Variants in KIF3B observed in about 807,000 individuals in gnomAD.
The protein encoded by KIF3B is kinesin family member 3B.
Under a neutral mutation model 74.3 loss-of-function variants are expected in KIF3B, and 38 were observed. The observed-to-expected ratio is 0.51, with a 90% CI of 0.39 to 0.67. The LOEUF (loss-of-function observed/expected upper bound fraction) is 0.67. KIF3B is among the 30% of genes least tolerant of loss of function. KIF3B has a pLI of 0.00. For missense variants in KIF3B, 649 were observed against 932.0 expected (o/e 0.70, Z 3.95); for synonymous variants, 326 against 342.5 (o/e 0.95, Z 0.53).
intron 1 of KIF3B, among the ~76,000 whole-genome samples, chr20:32,285,750 T>C (rs1485099979): frequency 2.6e-5 from 4 of 152,300 alleles, no homozygotes; most frequent in East Asian, 1.9e-4. Flanking sequence ...TGGGTGATAT[T>C]TTGTTCTTTC....
At chr20:32,291,586 C>G (rs2047691446) in intron 1 of KIF3B, among the ~76,000 whole-genome samples, 1 of 151,238 alleles carries the variant, frequency 6.6e-6, no homozygotes, top group South Asian at 2.1e-4. Context: ...GTCTCATATC[C>G]AGTGTTCCAA....
intron 1 of KIF3B, among the ~76,000 whole-genome samples, chr20:32,289,635 T>G (rs2047682192): frequency 6.6e-6 from 1 of 152,252 alleles, no homozygotes; most frequent in Non-Finnish European, 1.5e-5. Flanking sequence ...TTACTTTCTA[T>G]TTATAACAAG....
Position 32,309,860 on chromosome 20 carries a change from A to T in KIF3B, c.83A>T (p.Tyr28Phe). 1 of 1,614,186 alleles carries T rather than the reference A, an allele frequency of 6.2e-7. No homozygotes were observed. The highest frequency in any genetic ancestry group is 8.5e-7 in the Non-Finnish European group (1 of 1,180,042). The stretch of plus-strand genomic sequence containing the variant: ...AATGGCAAGGAAAAGGCTGCTTCGT[A>T]TGACAAAGTGGTGGATGTGGATGTT... Reference protein sequence around the residue: ...PMNGKEKAASYDKVVDVDVKL... With the variant: ...PMNGKEKAASFDKVVDVDVKL... Residue 28 changes from tyrosine to phenylalanine, a missense_variant, in exon 2 of 9, where the codon TAT becomes TTT. By Grantham distance (22) the Tyr-to-Phe change is conservative (BLOSUM62 3). Transcript: ENST00000375712.
chr20:32,301,093 T>TTC (rs2122678015), intron 1 of KIF3B, among the ~76,000 whole-genome samples: 1 of 144,494 alleles, frequency 6.9e-6, no homozygotes, highest in East Asian at 2.0e-4. Context: ...GTCTTTTTTT[T>TTC]TTTTTTTTTT....
intron 5 of KIF3B, among the ~76,000 whole-genome samples, chr20:32,322,782 A>ATATATT (rs1555896720): frequency 1.3e-4 from 8 of 60,814 alleles, no homozygotes; most frequent in African/African-American, 8.5e-4. Flanking sequence ...ATATATATTT[A>ATATATT]TATATATTTA....
intron 1 of KIF3B, among the ~76,000 whole-genome samples, chr20:32,281,588 G>T (rs914315322): frequency 6.6e-6 from 1 of 152,114 alleles, no homozygotes. Flanking sequence ...GTGGTGGCAC[G>T]TGCCTGTAGT....
intron 2 of KIF3B, 34 bp downstream of exon 2, chr20:32,311,215 C>T (rs1162316514): frequency 3.3e-6 from 5 of 1,527,364 alleles, no homozygotes; most frequent in South Asian, 1.3e-5. Flanking sequence ...AGGCCCTTGC[C>T]CTGTCACTGC....
chr20:32,316,170 C>A, intron 2 of KIF3B, 48 bp from the exon 3 acceptor site: 2 of 1,106,498 alleles, frequency 1.8e-6, no homozygotes, highest in South Asian at 1.2e-5. Flanking sequence ...GAATTATGTT[C>A]TGAGAGAAAC....
Position 32,327,619 on chromosome 20 carries a change from C to T in KIF3B, c.1926C>T (p.His642=), listed in dbSNP as rs376192275. 39 of 1,613,368 alleles carry T rather than the reference C, an allele frequency of 2.4e-5. No homozygotes were observed. Among genetic ancestry groups the T allele is most frequent in the African/African-American group, 1.3e-4 (10 of 74,952 alleles). The change falls in exon 7 of 9, where the codon CAC becomes CAT. Residue 642 remains histidine, a synonymous_variant. Coordinates refer to ENST00000375712, the MANE Select transcript of KIF3B (RefSeq NM_004798.4). The part of the protein sequence containing the change: ...AVGYKRPLSQ[H]ARMSMMIRPE... ...GATATAAGAGACCATTGAGCCAGCA[C>T]GCAAGAATGTCCATGATGATTCGTC...
chr20:32,313,539 A>C (rs1003265141), intron 2 of KIF3B, among the ~76,000 whole-genome samples: 1 of 152,136 alleles, frequency 6.6e-6, no homozygotes, highest in African/African-American at 2.4e-5. Flanking sequence ...TAAAACCTTG[A>C]AAGTCCCTTC....
At chr20:32,319,096 G>A (rs2047843789) in intron 5 of KIF3B, among the ~76,000 whole-genome samples, 1 of 151,862 alleles carries the variant, frequency 6.6e-6, no homozygotes, top group African/African-American at 2.4e-5. Flanking sequence ...GAATAGCTGG[G>A]ACTATAGCGG....
intron 1 of KIF3B, among the ~76,000 whole-genome samples, chr20:32,300,402 C>G (rs911179056): frequency 6.6e-6 from 1 of 152,054 alleles, no homozygotes; most frequent in Non-Finnish European, 1.5e-5. Context: ...CTCAGCCTCC[C>G]GAGTAGCTGG....
intron 7 of KIF3B, among the ~76,000 whole-genome samples, chr20:32,328,249 C>G (rs1285363696): frequency 6.6e-6 from 1 of 152,062 alleles, no homozygotes; most frequent in Non-Finnish European, 1.5e-5. Flanking sequence ...CGTGGTGAAA[C>G]CCCATCTCTA....
intron 8 of KIF3B, among the ~76,000 whole-genome samples, chr20:32,330,780 A>G (rs940394953): frequency 6.6e-6 from 1 of 152,238 alleles, no homozygotes; most frequent in African/African-American, 2.4e-5. Flanking sequence ...AAATAGGTCA[A>G]TCCAGATCCA....
At position 32,324,939 on chromosome 20, in the gene KIF3B, G is replaced by A. The variant is rs1203578264; in HGVS notation, c.1749-1832G>A. Among the ~76,000 whole-genome samples, 4 of 152,224 alleles carry A rather than the reference G, an allele frequency of 2.6e-5. 1 individual carries two copies. In the Middle Eastern group the frequency reaches 0.01, roughly 388 times the overall value. The stretch of plus-strand genomic sequence containing the variant: ...TCAGCTACTCCGGGGGCTGAGGCAC[G>A]AGAATCGCTTGAACCTGGGAGACGA... On this transcript the variant is annotated intron_variant, in intron 5 of 8. Transcript: ENST00000375712.
At chr20:32,325,000 C>G (rs189543458) in intron 5 of KIF3B, among the ~76,000 whole-genome samples, 2 of 152,240 alleles carry the variant, frequency 1.3e-5, no homozygotes, top group East Asian at 3.9e-4. Flanking sequence ...CACTTTACTC[C>G]AGCCTGGGCG....
chr20:32,310,939 G>A lies in KIF3B; in HGVS notation c.1162G>A (p.Gly388Ser). Reference sequence around the variant, plus strand: ...GCGAGAGAAGCGGAGGGAAGGTGGTGGCAGTGGTGGGGGTGGGGAAGAGGA... The same window carrying A: ...GCGAGAGAAGCGGAGGGAAGGTGGTAGCAGTGGTGGGGGTGGGGAAGAGGA... ...KRREKRREGG[G>S]SGGGGEEEEE... Residue 388 changes from glycine (G) to serine (S), a missense_variant, in exon 2 of 9, where the codon GGC becomes AGC. By Grantham distance (56) the Gly-to-Ser change is moderately conservative. Around this residue, in one of 4 missense-constraint regions of KIF3B, gnomAD observed 363 missense variants for 592.8 expected, o/e 0.61. Coordinates refer to ENST00000375712, the MANE Select transcript of KIF3B (RefSeq NM_004798.4). The surrounding 1 kb of genome is among the most constrained non-coding windows in gnomAD (Gnocchi z 6.5). The A allele has an allele frequency of 1.2e-6, 2 of 1,613,556 alleles. No homozygotes were observed. Among genetic ancestry groups the A allele is most frequent in the Non-Finnish European group, 1.7e-6 (2 of 1,179,660 alleles).
At position 32,309,748 on chromosome 20, in the gene KIF3B, T is replaced by G; in HGVS notation, c.-30T>G. 6.3e-7 allele frequency: 1 copy of G among 1,589,298 alleles called. No homozygotes were observed. The highest frequency in any genetic ancestry group is 8.6e-7 in the Non-Finnish European group (1 of 1,167,172). ...TCCTGAGACATTTTGAATTGACACT[T>G]CTCAAGATTTGACTGGATCAGAGTT... On this transcript the variant is annotated 5_prime_UTR_variant, in exon 2 of 9. Transcript: ENST00000375712.
At chr20:32,328,588 G>T (rs2047915448) in intron 7 of KIF3B, among the ~76,000 whole-genome samples, 2 of 150,482 alleles carry the variant, frequency 1.3e-5, no homozygotes, top group African/African-American at 5.0e-5. Context: ...ACTCCAGCCT[G>T]GGTGGCAGAG....
Sources: gnomAD v4.1 joint callset for allele counts (sites outside exome capture counted in the v4.1 genomes callset) on GRCh38, gnomAD v4.1.1 for gene constraint, gnomAD v4.1.1 regional missense constraint, Gnocchi (gnomAD v3.1) non-coding constraint, MANE v1.5 for transcripts, NCBI Gene and HGNC (gene_info 2026-07-23, HGNC 2026-07-21) for gene names.